The following VPS13C variants were observed in gnomAD, a reference collection of about 807,000 sequenced individuals.
VPS13C encodes the protein intermembrane lipid transfer protein VPS13C.
In VPS13C, 358 loss-of-function variants were observed where a neutral mutation model predicts 456.8. That is an observed-to-expected ratio of 0.78 (90% CI 0.72 to 0.86). The LOEUF is 0.86. Among genes scored for constraint, VPS13C ranks in the 40% least tolerant of loss-of-function variants. VPS13C has a pLI of 0.00. For missense variants in VPS13C, 4,818 were observed against 4,385.4 expected (o/e 1.10, Z -2.79); for synonymous variants, 1,578 against 1,486.7 (o/e 1.06, Z -1.41).
chr15:61,979,963 C>T (rs2045825017), intron 22 of VPS13C, among the ~76,000 whole-genome samples: 1 of 151,848 alleles, frequency 6.6e-6, no homozygotes, highest in Non-Finnish European at 1.5e-5. Flanking sequence ...GTGAGCGGAT[C>T]ACTTGAGGTC....
At chr15:62,016,971 G>C (rs574134024) in intron 9 of VPS13C, among the ~76,000 whole-genome samples, 4 of 152,122 alleles carry the variant, frequency 2.6e-5, no homozygotes, top group African/African-American at 9.7e-5. Flanking sequence ...ATTCTAACTG[G>C]TGTGAGATGA....
intron 35 of VPS13C, among the ~76,000 whole-genome samples, chr15:61,960,251 G>A (rs1233248115): frequency 2.0e-5 from 3 of 152,126 alleles, no homozygotes; most frequent in Non-Finnish European, 4.4e-5. Context: ...CCGGACTGTA[G>A]TCTTCAAAAC....
At chr15:62,024,160 T>C (rs2047555681) in intron 6 of VPS13C, among the ~76,000 whole-genome samples, 1 of 152,050 alleles carries the variant, frequency 6.6e-6, no homozygotes, top group Non-Finnish European at 1.5e-5. Flanking sequence ...AAGTTACACT[T>C]TAATTTCAAT....
At chr15:61,893,905 T>C (rs1566975309) in intron 66 of VPS13C, among the ~76,000 whole-genome samples, 1 of 151,734 alleles carries the variant, frequency 6.6e-6, no homozygotes, top group Non-Finnish European at 1.5e-5. Flanking sequence ...CAATAATAAA[T>C]ATACTAAAAA....
intron 45 of VPS13C, among the ~76,000 whole-genome samples, chr15:61,944,340 T>C (rs2044533058): frequency 6.6e-6 from 1 of 152,114 alleles, no homozygotes; most frequent in Non-Finnish European, 1.5e-5. Flanking sequence ...ACTCACGTGT[T>C]CTTCAGAGCA....
intron 45 of VPS13C, among the ~76,000 whole-genome samples, chr15:61,944,856 A>G (rs1330616892): frequency 6.6e-6 from 1 of 152,174 alleles, no homozygotes; most frequent in African/African-American, 2.4e-5. Context: ...TGATTTTTAA[A>G]AGTTTTGATT....
intron 16 of VPS13C, among the ~76,000 whole-genome samples, chr15:61,999,511 ATGAG>A (rs1229793080): frequency 6.6e-6 from 1 of 152,226 alleles, no homozygotes; most frequent in Non-Finnish European, 1.5e-5. Flanking sequence ...ATTTAAAAGT[ATGAG>A]TAAGTACATG....
At chr15:61,899,739 G>A (rs969765707) in intron 66 of VPS13C, among the ~76,000 whole-genome samples, 2 of 151,208 alleles carry the variant, frequency 1.3e-5, no homozygotes, top group Admixed American at 6.6e-5. Context: ...AGAAAAAGAG[G>A]GAATCCTCCC....
chr15:61,976,400 A>G (rs2045704100), intron 24 of VPS13C, among the ~76,000 whole-genome samples: 1 of 152,106 alleles, frequency 6.6e-6, no homozygotes, highest in Non-Finnish European at 1.5e-5. Context: ...TAAAAGTCTA[A>G]CATTCTATTT....
At chr15:61,891,320 G>GA (rs145888929) in intron 66 of VPS13C, among the ~76,000 whole-genome samples, 188 of 148,804 alleles carry the variant, frequency 1.3e-3, no homozygotes, top group African/African-American at 3.7e-3. Flanking sequence ...TTCCAGGGGA[G>GA]AAAAAAAAAC....
intron 16 of VPS13C, among the ~76,000 whole-genome samples, chr15:62,000,339 C>T (rs573645815): frequency 2.0e-5 from 3 of 151,904 alleles, no homozygotes; most frequent in South Asian, 2.1e-4. Context: ...CATCCCAGCC[C>T]GGGAGACAGA....
At chr15:61,979,030 C>T (rs1313786822) in intron 22 of VPS13C, among the ~76,000 whole-genome samples, 2 of 152,200 alleles carry the variant, frequency 1.3e-5, no homozygotes, top group East Asian at 1.9e-4. Flanking sequence ...AACTCCTCCT[C>T]TTCCTGGCTC....
intron 5 of VPS13C, among the ~76,000 whole-genome samples, chr15:62,029,677 A>G (rs1278389963): frequency 6.6e-6 from 1 of 152,038 alleles, no homozygotes; most frequent in Non-Finnish European, 1.5e-5. Context: ...AAGGTCTTTG[A>G]CAGGAGGGTC....
intron 1 of VPS13C, among the ~76,000 whole-genome samples, chr15:62,046,473 AATT>A (rs1567146584): frequency 1.3e-5 from 2 of 152,198 alleles, no homozygotes; most frequent in Non-Finnish European, 2.9e-5. Flanking sequence ...ACAAAATTAC[AATT>A]GGGAAGTCTA....
chr15:61,869,726 A>T, intron 79 of VPS13C, 103 bp from the exon 80 acceptor site: 1 of 1,524,710 alleles, frequency 6.6e-7, no homozygotes, highest in African/African-American at 1.4e-5. Flanking sequence ...TTACCCAGGA[A>T]GTTACAAAAA....
At chr15:62,009,666 A>G (rs545787051) in intron 13 of VPS13C, among the ~76,000 whole-genome samples, 12 of 152,292 alleles carry the variant, frequency 7.9e-5, no homozygotes, top group South Asian at 4.1e-4. Flanking sequence ...CTTGCATTAC[A>G]TTTTTATTTA....
intron 64 of VPS13C, among the ~76,000 whole-genome samples, chr15:61,909,365 G>A (rs1230046355): frequency 1.3e-5 from 2 of 152,108 alleles, no homozygotes; most frequent in African/African-American, 4.8e-5. Context: ...GTGCCACCAT[G>A]CCCAGCTAAT....
At chr15:61,983,455 T>C (rs553230021) in intron 20 of VPS13C, among the ~76,000 whole-genome samples, 23 of 152,336 alleles carry the variant, frequency 1.5e-4, no homozygotes, top group African/African-American at 5.3e-4. Context: ...CTAAAGCTCT[T>C]TGAATTTGTT....
Position 62,060,345 on chromosome 15 carries a change from C to G in VPS13C, c.30G>C (p.Leu10Phe). 6.2e-7 allele frequency: 1 copy of G among 1,602,886 alleles called. No individual in the cohort carries two copies. Among genetic ancestry groups the G allele is most frequent in the Non-Finnish European group, 8.5e-7 (1 of 1,175,494 alleles). Residue 10 changes from leucine (L) to phenylalanine (F), a missense_variant, in exon 1 of 85, where the codon TTG becomes TTC. Around this residue, in one of 3 missense-constraint regions of VPS13C, gnomAD observed 4,552 missense variants for 4,130.6 expected, o/e 1.10. Transcript: ENST00000644861. Reference sequence around the variant, plus strand: ...CATAGTCCCCCAGGAAGCGGTTCAGCAAGTCCGCGACCACCGACTCCAGCA... The same window carrying G: ...CATAGTCCCCCAGGAAGCGGTTCAGGAAGTCCGCGACCACCGACTCCAGCA... Reference protein sequence around the residue: MVLESVVADLLNRFLGDYVE... With the variant: MVLESVVADFLNRFLGDYVE...
Sources: allele counts gnomAD v4.1 joint callset (sites outside exome capture counted in the v4.1 genomes callset), GRCh38; gene constraint gnomAD v4.1.1; regional missense constraint gnomAD v4.1.1; transcripts MANE v1.5; gene names NCBI Gene and HGNC (gene_info 2026-07-23, HGNC 2026-07-21).